LRRTM4: variants seen among roughly 807,000 people sequenced by gnomAD.
LRRTM4 encodes the protein leucine-rich repeat transmembrane neuronal protein 4.
A neutral mutation model predicts 47.6 loss-of-function variants in LRRTM4; 25 were observed. The ratio of observed to expected loss-of-function variants is 0.53; its 90% CI spans 0.38 to 0.73. The LOEUF (loss-of-function observed/expected upper bound fraction) is 0.73, where lower values mean the gene tolerates loss of function less well. Among genes scored for constraint, LRRTM4 ranks in the 30% least tolerant of loss-of-function variants. The pLI, the probability that LRRTM4 is intolerant of heterozygous loss-of-function variation, is 0.00. For synonymous variants in LRRTM4, 311 were observed against 269.5 expected (o/e 1.15, Z -1.51); for missense variants, 638 against 713.4 (o/e 0.89, Z 1.20).
At chr2:77,279,824 A>G (rs373721826) in intron 3 of LRRTM4, among the ~76,000 whole-genome samples, 2 of 152,032 alleles carry the variant, frequency 1.3e-5, no homozygotes, top group East Asian at 1.9e-4. Context: ...GAGGCAGGAC[A>G]TATTTAACTA....
At chr2:77,308,528 T>C (rs915999621) in intron 3 of LRRTM4, among the ~76,000 whole-genome samples, 2 of 152,156 alleles carry the variant, frequency 1.3e-5, no homozygotes, top group Non-Finnish European at 2.9e-5. Context: ...TAGGCATTTT[T>C]TTATCTTTAT....
intron 3 of LRRTM4, among the ~76,000 whole-genome samples, chr2:76,899,809 ATAGT>A (rs1447105804): frequency 3.9e-5 from 6 of 152,228 alleles, no homozygotes; most frequent in Non-Finnish European, 8.8e-5. Context: ...AATTCACTAG[ATAGT>A]TAGATCTATG....
At chr2:77,443,085 A>T (rs1675911038) in intron 3 of LRRTM4, among the ~76,000 whole-genome samples, 1 of 152,120 alleles carries the variant, frequency 6.6e-6, no homozygotes, top group Non-Finnish European at 1.5e-5. Context: ...ATTGTGGCTG[A>T]TAAAAGGGTC....
intron 3 of LRRTM4, among the ~76,000 whole-genome samples, chr2:77,404,258 T>C (rs917346151): frequency 6.6e-6 from 1 of 151,856 alleles, no homozygotes; most frequent in Admixed American, 6.6e-5. Flanking sequence ...AAAAAGAAAA[T>C]TTGCAATTAT....
chr2:77,488,851 C>G (rs1678027336), intron 3 of LRRTM4, among the ~76,000 whole-genome samples: 1 of 151,830 alleles, frequency 6.6e-6, no homozygotes, highest in African/African-American at 2.4e-5. Context: ...CCTTGATAAT[C>G]CATTAACAAC....
chr2:76,820,715 CATTAAA>C (rs1671029297), intron 3 of LRRTM4, among the ~76,000 whole-genome samples: 1 of 151,624 alleles, frequency 6.6e-6, no homozygotes, highest in East Asian at 1.9e-4. Flanking sequence ...ACTCTCTTCC[CATTAAA>C]AATAATAGAG....
At chr2:76,779,721 C>G (rs1008826443) in intron 3 of LRRTM4, among the ~76,000 whole-genome samples, 3 of 152,100 alleles carry the variant, frequency 2.0e-5, no homozygotes, top group African/African-American at 4.8e-5. Flanking sequence ...ATCCAATTTG[C>G]CAGTCTGTGT....
chr2:77,514,237 A>G (rs1679126686), intron 3 of LRRTM4, among the ~76,000 whole-genome samples: 1 of 152,022 alleles, frequency 6.6e-6, no homozygotes, highest in Non-Finnish European at 1.5e-5. Flanking sequence ...ATAAACTGTT[A>G]ATTAAACTCA....
intron 3 of LRRTM4, among the ~76,000 whole-genome samples, chr2:76,774,527 C>A (rs556325693): frequency 1.3e-5 from 2 of 152,086 alleles, no homozygotes; most frequent in East Asian, 1.9e-4. Context: ...TTAAAAAAGA[C>A]AAAATATATT....
intron 3 of LRRTM4, among the ~76,000 whole-genome samples, chr2:76,900,607 A>G (rs960223950): frequency 1.3e-5 from 2 of 152,194 alleles, no homozygotes; most frequent in African/African-American, 4.8e-5. Context: ...CTACCAAATA[A>G]TTCAATTGAA....
chr2:76,987,795 G>T (rs1676855311), intron 3 of LRRTM4, among the ~76,000 whole-genome samples: 1 of 151,682 alleles, frequency 6.6e-6, no homozygotes, highest in South Asian at 2.1e-4. Flanking sequence ...CCACTTTGGA[G>T]GCCTGAAAAA....
chr2:77,165,429 A>G (rs1432986225), intron 3 of LRRTM4, among the ~76,000 whole-genome samples: 1 of 152,226 alleles, frequency 6.6e-6, no homozygotes, highest in African/African-American at 2.4e-5. Context: ...TCCAATCAGT[A>G]GAAAAAGAGG....
At chr2:77,089,125 A>T (rs1680834349) in intron 3 of LRRTM4, among the ~76,000 whole-genome samples, 1 of 152,040 alleles carries the variant, frequency 6.6e-6, no homozygotes, top group African/African-American at 2.4e-5. Context: ...CTTCACCCTT[A>T]GGGGCAAGTC....
At chr2:76,995,046 A>G (rs182275792) in intron 3 of LRRTM4, among the ~76,000 whole-genome samples, 2 of 152,144 alleles carry the variant, frequency 1.3e-5, no homozygotes, top group Non-Finnish European at 2.9e-5. Context: ...CTGTCTTATT[A>G]TAAGACTTGA....
chr2:77,184,037 T>A (rs895473594), intron 3 of LRRTM4, among the ~76,000 whole-genome samples: 1 of 151,936 alleles, frequency 6.6e-6, no homozygotes, highest in African/African-American at 2.4e-5. Flanking sequence ...ACATATGTAA[T>A]AAACCTGCAC....
chr2:76,759,431 T>A (rs1267604087), intron 3 of LRRTM4, among the ~76,000 whole-genome samples: 11 of 152,054 alleles, frequency 7.2e-5, no homozygotes, highest in Admixed American at 5.2e-4. Flanking sequence ...GTCATTTAGA[T>A]CAAACATGAT....
intron 3 of LRRTM4, among the ~76,000 whole-genome samples, chr2:77,135,795 T>G (rs1232347464): frequency 6.6e-6 from 1 of 152,064 alleles, no homozygotes; most frequent in African/African-American, 2.4e-5. Context: ...AACTAACTAC[T>G]ACAAATGTGA....
chr2:76,846,888 A>G (rs1671851590), intron 3 of LRRTM4, among the ~76,000 whole-genome samples: 1 of 149,480 alleles, frequency 6.7e-6, no homozygotes, highest in Non-Finnish European at 1.5e-5. Context: ...AAATGATGTT[A>G]GAAAGTAAAA....
chr2:77,237,131 T>C (rs953631578), intron 3 of LRRTM4, among the ~76,000 whole-genome samples: 2 of 151,540 alleles, frequency 1.3e-5, no homozygotes, highest in African/African-American at 2.4e-5. Flanking sequence ...TTTGCATAAC[T>C]GGTAGAATTT....
Sources: gnomAD v4.1 joint callset for allele counts (sites outside exome capture counted in the v4.1 genomes callset) on GRCh38, gnomAD v4.1.1 for gene constraint, MANE v1.5 for transcripts, NCBI Gene and HGNC (gene_info 2026-07-23, HGNC 2026-07-21) for gene names.